The following NAV2 variants were observed in gnomAD, a reference collection of about 807,000 sequenced individuals.
NAV2 encodes neuron navigator 2.
NAV2 carries 54 observed loss-of-function variants against 223.2 expected under a neutral mutation model. The ratio of observed to expected loss-of-function variants is 0.24; its 90% confidence interval spans 0.19 to 0.30. The LOEUF (loss-of-function observed/expected upper bound fraction) is 0.30. NAV2 is among the 10% of genes least tolerant of loss of function. NAV2 has a pLI of 1.00. For missense variants in NAV2, 2,806 were observed against 3,147.5 expected, an observed-to-expected ratio of 0.89 and a Z score of 2.60; for synonymous variants, 1,279 against 1,239.3, an observed-to-expected ratio of 1.03 and a Z score of -0.67.
chr11:19,888,983 T>G (rs2041261390), intron 5 of NAV2, among the ~76,000 whole-genome samples: 1 of 152,112 alleles, frequency 6.6e-6, no homozygotes, highest in African/African-American at 2.4e-5. Flanking sequence ...ACAAGCCCCT[T>G]GAGATCCGGG....
At chr11:19,818,366 T>C (rs2059213773) in intron 1 of NAV2, among the ~76,000 whole-genome samples, 1 of 149,974 alleles carries the variant, frequency 6.7e-6, no homozygotes, top group East Asian at 2.0e-4. Flanking sequence ...TAAATCCTTC[T>C]ACCAAGACTG....
intron 1 of NAV2, among the ~76,000 whole-genome samples, chr11:19,396,173 G>A (rs1457901826): frequency 1.3e-5 from 2 of 152,196 alleles, no homozygotes; most frequent in African/African-American, 2.4e-5. Flanking sequence ...AAAATACAGA[G>A]GAGAGAGGAT....
intron 1 of NAV2, among the ~76,000 whole-genome samples, chr11:19,533,762 A>AGT (rs2044100614): frequency 7.4e-6 from 1 of 134,728 alleles, no homozygotes; most frequent in South Asian, 2.2e-4. Context: ...GCTGGAGTGC[A>AGT]GTGGCGGGAT....
chr11:19,791,998 T>C (rs7939793), intron 1 of NAV2, among the ~76,000 whole-genome samples: 18,856 of 152,184 alleles, frequency 0.12, 1,408 homozygotes, highest in African/African-American at 0.21. Flanking sequence ...GCAGCACCAA[T>C]GCTGGGCCCC....
chr11:19,479,424 T>C (rs1212811905), intron 1 of NAV2, among the ~76,000 whole-genome samples: 2 of 152,138 alleles, frequency 1.3e-5, no homozygotes, highest in Admixed American at 6.5e-5. Context: ...TGAGCAGTTA[T>C]TGAGTACCAT....
intron 25 of NAV2, chr11:20,082,731 A>G (rs1333560385): frequency 3.0e-6 from 3 of 994,662 alleles, no homozygotes; most frequent in Non-Finnish European, 4.8e-6. Flanking sequence ...CCCAACATCC[A>G]TCTGCTGAGC....
At chr11:19,593,692 C>G (rs1481437205) in intron 1 of NAV2, among the ~76,000 whole-genome samples, 2 of 152,150 alleles carry the variant, frequency 1.3e-5, no homozygotes, top group African/African-American at 4.8e-5. Flanking sequence ...GTCTCTACAT[C>G]TTTGCTGGAA....
chr11:19,597,324 C>T (rs2046230369), intron 1 of NAV2, among the ~76,000 whole-genome samples: 1 of 152,236 alleles, frequency 6.6e-6, no homozygotes, highest in Non-Finnish European at 1.5e-5. Context: ...CAGTATCCCA[C>T]AGCCATTTCC....
At chr11:19,588,901 G>A (rs1729547509) in intron 1 of NAV2, among the ~76,000 whole-genome samples, 1 of 152,218 alleles carries the variant, frequency 6.6e-6, no homozygotes, top group African/African-American at 2.4e-5. Flanking sequence ...GTTTCTTTCT[G>A]CATATCATAA....
chr11:19,674,520 G>A (rs1359546731), intron 1 of NAV2, among the ~76,000 whole-genome samples: 1 of 152,192 alleles, frequency 6.6e-6, no homozygotes, highest in African/African-American at 2.4e-5. Context: ...GTTTTGCAGT[G>A]AGCAGTTTGT....
Position 20,101,002 on chromosome 11 carries a change from C to T in NAV2, c.6247C>T (p.Arg2083Cys), listed in dbSNP as rs775604597. ...ESLIPKPILQ[R>C]YVSLLIEHRR... ...CTTGATTCCCAAGCCCATCCTGCAG[C>T]GCTACGTCTCCCTCCTGATAGAGCA... The change falls in exon 32 of 38, where the codon CGC becomes TGC. Residue 2083 changes from arginine (R) to cysteine (C), a missense_variant. Physicochemically the swap from Arg to Cys is radical, Grantham distance 180. Transcript: ENST00000349880. The T allele has an allele frequency of 2.5e-5, 40 of 1,614,016 alleles. No homozygotes were observed. The South Asian group carries it at 3.0e-4, about 12-fold the overall frequency.
Position 19,892,577 on chromosome 11 carries a change from C to T in NAV2, c.914C>T (p.Pro305Leu), listed in dbSNP as rs138529273. The change falls in exon 6 of 38, where the codon CCA (proline) becomes CTA (leucine). Residue 305 changes from proline (P) to leucine (L), a missense_variant. By Grantham distance (98) the Pro-to-Leu change is moderately conservative. Around this residue, in one of 4 missense-constraint regions of NAV2, gnomAD observed 1,167 missense variants for 1,180.5 expected, o/e 0.99. Transcript: ENST00000349880. ...SKPVTSPPPP[P>L]SSHEKEPLAS... Reference sequence around the variant, plus strand: ...CCAGTCACCTCCCCACCCCCACCGCCAAGCAGCCACGAGAAAGGTGAGTCA... The same window carrying T: ...CCAGTCACCTCCCCACCCCCACCGCTAAGCAGCCACGAGAAAGGTGAGTCA... The T allele has an allele frequency of 2.4e-5, 38 of 1,613,884 alleles. No homozygotes were observed. The African/African-American group carries it at 4.9e-4, about 21-fold the overall frequency.
chr11:19,849,346 G>T (rs564415076), intron 3 of NAV2, among the ~76,000 whole-genome samples: 1 of 152,320 alleles, frequency 6.6e-6, no homozygotes, highest in African/African-American at 2.4e-5. Context: ...GAACCAGTTA[G>T]GTTTAGCTGA....
intron 6 of NAV2, among the ~76,000 whole-genome samples, chr11:19,919,950 A>C (rs1397222763): frequency 6.6e-6 from 1 of 152,118 alleles, no homozygotes; most frequent in African/African-American, 2.4e-5. Context: ...CCTGGACAAC[A>C]TAATGAGACC....
chr11:19,404,222 T>G (rs970391612), intron 1 of NAV2, among the ~76,000 whole-genome samples: 3 of 152,152 alleles, frequency 2.0e-5, no homozygotes, highest in Non-Finnish European at 2.9e-5. Flanking sequence ...ATGGAAAGAT[T>G]TTAATTGTGA....
chr11:19,860,132 C>T, intron 3 of NAV2, among the ~76,000 whole-genome samples: 2 of 139,920 alleles, frequency 1.4e-5, no homozygotes, highest in Non-Finnish European at 3.1e-5. Context: ...CAGAGGCGCC[C>T]CTCACCTCCC....
At chr11:19,874,064 A>C (rs892692295) in intron 4 of NAV2, among the ~76,000 whole-genome samples, 3 of 152,184 alleles carry the variant, frequency 2.0e-5, no homozygotes, top group African/African-American at 4.8e-5. Context: ...CCTACAAAGC[A>C]GGTTTCTTTG....
At chr11:19,888,622 A>C (rs1032555367) in intron 5 of NAV2, among the ~76,000 whole-genome samples, 2 of 152,150 alleles carry the variant, frequency 1.3e-5, no homozygotes, top group African/African-American at 4.8e-5. Flanking sequence ...GGAGGGCAGG[A>C]CCAAGTCCAA....
At chr11:20,098,289 A>G (rs1391843162) in intron 31 of NAV2, among the ~76,000 whole-genome samples, 1 of 152,204 alleles carries the variant, frequency 6.6e-6, no homozygotes, top group Non-Finnish European at 1.5e-5. Context: ...CTTCACTGCC[A>G]TGCAATTCTG....
Sources: allele counts gnomAD v4.1 joint callset (sites outside exome capture counted in the v4.1 genomes callset), GRCh38; gene constraint gnomAD v4.1.1; regional missense constraint gnomAD v4.1.1; transcripts MANE v1.5; gene names NCBI Gene and HGNC (gene_info 2026-07-23, HGNC 2026-07-21).